AGBL1: variants seen among roughly 807,000 people sequenced by gnomAD.
The protein encoded by AGBL1 is AGBL carboxypeptidase 1, also known as cytosolic carboxypeptidase 4.
In AGBL1, 130 loss-of-function variants were observed where a neutral mutation model predicts 118.9. The observed-to-expected ratio is 1.09, with a 90% confidence interval of 0.95 to 1.26. The LOEUF (loss-of-function observed/expected upper bound fraction) is 1.26. Among genes scored for constraint, AGBL1 ranks in the 50% most tolerant of loss-of-function variants. AGBL1 has a pLI of 0.00. For missense variants in AGBL1, 1,584 were observed against 1,298.1 expected, an observed-to-expected ratio of 1.22 and a Z score of -3.38; for synonymous variants, 555 against 478.9, an observed-to-expected ratio of 1.16 and a Z score of -2.08.
chr15:86,697,331 C>CA (rs2086280056), intron 22 of AGBL1, among the ~76,000 whole-genome samples: 1 of 151,712 alleles, frequency 6.6e-6, no homozygotes, highest in African/African-American at 2.4e-5. Context: ...TGGGTTATTT[C>CA]AAAAACCTTG....
chr15:86,468,684 G>T (rs1346762230), intron 18 of AGBL1, among the ~76,000 whole-genome samples: 2 of 152,114 alleles, frequency 1.3e-5, no homozygotes, highest in African/African-American at 4.8e-5. Context: ...AAATTGTGTT[G>T]TTCATGTTCA....
intron 24 of AGBL1, among the ~76,000 whole-genome samples, chr15:87,010,522 CTCTT>C (rs2081547886): frequency 6.6e-6 from 1 of 152,192 alleles, no homozygotes; most frequent in East Asian, 1.9e-4. Context: ...GGTGAATTCA[CTCTT>C]TCTGCTGGAG....
chr15:86,309,933 G>C (rs766507554), intron 17 of AGBL1, among the ~76,000 whole-genome samples: 9 of 152,150 alleles, frequency 5.9e-5, no homozygotes, highest in Non-Finnish European at 1.2e-4. Context: ...ATAGAGTAAA[G>C]CTGGCCTTGA....
chr15:86,997,890 GACACACACACACACACACACACAC>G (rs3030280), intron 24 of AGBL1, among the ~76,000 whole-genome samples: 11 of 145,936 alleles, frequency 7.5e-5, no homozygotes, highest in African/African-American at 2.8e-4. Flanking sequence ...ACATGTGGAA[GACACACACACACACACACACACAC>G]ACACACACAC....
intron 9 of AGBL1, among the ~76,000 whole-genome samples, chr15:86,262,364 A>C (rs1354619753): frequency 6.6e-6 from 1 of 152,064 alleles, no homozygotes; most frequent in Non-Finnish European, 1.5e-5. Context: ...GTACCTGCTC[A>C]CAGTCGGTGC....
intron 6 of AGBL1, among the ~76,000 whole-genome samples, chr15:86,229,144 A>C (rs1239842321): frequency 6.6e-6 from 1 of 152,208 alleles, no homozygotes; most frequent in Non-Finnish European, 1.5e-5. Context: ...TATTGCAGGA[A>C]ATTTTTTAAT....
At chr15:86,360,600 T>C (rs1275859798) in intron 17 of AGBL1, among the ~76,000 whole-genome samples, 8 of 152,028 alleles carry the variant, frequency 5.3e-5, no homozygotes. Context: ...TTGGCAGAGT[T>C]TAAGAAAGAC....
chr15:86,408,380 T>C (rs2081563001), intron 18 of AGBL1, among the ~76,000 whole-genome samples: 1 of 152,202 alleles, frequency 6.6e-6, no homozygotes, highest in African/African-American at 2.4e-5. Flanking sequence ...GCTCCTGCTG[T>C]AACATCTCTC....
chr15:86,689,773 AATTG>A (rs2086130734), intron 22 of AGBL1, among the ~76,000 whole-genome samples: 1 of 152,154 alleles, frequency 6.6e-6, no homozygotes, highest in Non-Finnish European at 1.5e-5. Flanking sequence ...AGGATAATAT[AATTG>A]ATATTTAAAA....
At chr15:87,003,632 T>C (rs1486424797) in intron 24 of AGBL1, among the ~76,000 whole-genome samples, 1 of 152,170 alleles carries the variant, frequency 6.6e-6, no homozygotes, top group Non-Finnish European at 1.5e-5. Flanking sequence ...TGGTAAGCTA[T>C]TAATTATTGA....
At chr15:86,604,320 A>C (rs1242700364) in intron 21 of AGBL1, among the ~76,000 whole-genome samples, 2 of 152,206 alleles carry the variant, frequency 1.3e-5, no homozygotes, top group Non-Finnish European at 2.9e-5. Context: ...TATTTGTTTT[A>C]TTATAATTAT....
intron 17 of AGBL1, among the ~76,000 whole-genome samples, chr15:86,353,657 A>G (rs1020162444): frequency 1.3e-5 from 2 of 152,240 alleles, no homozygotes; most frequent in Admixed American, 1.3e-4. Context: ...AAATGCAGGT[A>G]TGAAAGAGGT....
chr15:86,767,962 T>A (rs1025248297), intron 22 of AGBL1, among the ~76,000 whole-genome samples: 1 of 152,042 alleles, frequency 6.6e-6, no homozygotes, highest in Admixed American at 6.6e-5. Flanking sequence ...AAACCGTGAG[T>A]TGAGTAGAAT....
At chr15:86,600,618 C>G (rs1049291090) in intron 21 of AGBL1, among the ~76,000 whole-genome samples, 59 of 152,048 alleles carry the variant, frequency 3.9e-4, no homozygotes, top group Admixed American at 3.3e-4. Context: ...ACAGAAGGCA[C>G]CTTAGGTGGA....
At chr15:86,987,967 C>T in intron 23 of AGBL1, 1 of 1,611,336 alleles carries the variant, frequency 6.2e-7, no homozygotes, top group Non-Finnish European at 8.5e-7. Flanking sequence ...CTGTACCACT[C>T]ATTTATCTGA....
intron 1 of AGBL1, among the ~76,000 whole-genome samples, chr15:86,119,339 CTTTT>C (rs201874874): frequency 0.033 from 4,802 of 145,732 alleles, 96 homozygotes; most frequent in African/African-American, 0.038. Context: ...TTTGTCTTTG[CTTTT>C]TTTTTTTGGC....
chr15:86,554,595 T>C (rs1008097985), intron 21 of AGBL1, 58 bp downstream of exon 21: 6 of 1,380,378 alleles, frequency 4.3e-6, no homozygotes, highest in South Asian at 1.8e-5. Context: ...ATAGAAATTA[T>C]AGACAGCTCG....
chr15:86,823,767 G>C (rs562378782), intron 22 of AGBL1, among the ~76,000 whole-genome samples: 4 of 152,006 alleles, frequency 2.6e-5, no homozygotes, highest in Non-Finnish European at 4.4e-5. Flanking sequence ...TTTTATCAAA[G>C]ACCCTAAAGC....
chr15:86,244,775 C>T (rs976864140), intron 6 of AGBL1, among the ~76,000 whole-genome samples: 3 of 152,160 alleles, frequency 2.0e-5, no homozygotes, highest in South Asian at 2.1e-4. Flanking sequence ...ATGCTGCCCA[C>T]GGGGCCCCTG....
Sources: allele counts gnomAD v4.1 joint callset (sites outside exome capture counted in the v4.1 genomes callset), GRCh38; gene constraint gnomAD v4.1.1; transcripts MANE v1.5; gene names NCBI Gene and HGNC (gene_info 2026-07-23, HGNC 2026-07-21).